ADK: variants seen among roughly 807,000 people sequenced by gnomAD.
The protein encoded by ADK is N6,N6-dimethyladenosine kinase.
In ADK, 24 loss-of-function variants were observed where a neutral mutation model predicts 44.7. The ratio of observed to expected loss-of-function variants is 0.54; its 90% CI spans 0.39 to 0.76. The LOEUF is 0.76. Ranked by LOEUF, ADK falls within the 30% of genes least tolerant of loss-of-function variation. The pLI, the probability that ADK is intolerant of heterozygous loss-of-function variation, is 0.00. For missense variants in ADK, 321 were observed against 425.1 expected, an observed-to-expected ratio of 0.76 and a Z score of 2.15; for synonymous variants, 128 against 142.6, an observed-to-expected ratio of 0.90 and a Z score of 0.73.
chr10:74,394,400 G>A, intron 5 of ADK, 87 bp downstream of exon 5: 1 of 1,284,132 alleles, frequency 7.8e-7, no homozygotes, highest in Non-Finnish European at 1.1e-6. Flanking sequence ...TTGGAATTTT[G>A]ACTTTATAAT....
chr10:74,171,964 G>A (rs755851120), intron 1 of ADK, among the ~76,000 whole-genome samples: 23 of 152,026 alleles, frequency 1.5e-4, no homozygotes, highest in Non-Finnish European at 3.4e-4. Flanking sequence ...TACTTTTGTC[G>A]CTACATTATT....
At chr10:74,652,441 G>C (rs1854308436) in intron 9 of ADK, among the ~76,000 whole-genome samples, 1 of 151,904 alleles carries the variant, frequency 6.6e-6, no homozygotes, top group African/African-American at 2.4e-5. Context: ...TCTCTGCTTA[G>C]GAAAAATAAC....
At chr10:74,672,262 A>G (rs1855216511) in intron 10 of ADK, among the ~76,000 whole-genome samples, 1 of 152,166 alleles carries the variant, frequency 6.6e-6, no homozygotes, top group South Asian at 2.1e-4. Flanking sequence ...GCTGTATTGC[A>G]TATCTTCTTG....
At chr10:74,363,582 G>C (rs1842408534) in intron 4 of ADK, among the ~76,000 whole-genome samples, 1 of 152,058 alleles carries the variant, frequency 6.6e-6, no homozygotes, top group Non-Finnish European at 1.5e-5. Context: ...GTGGGATGGT[G>C]GCTGGAGAAC....
intron 1 of ADK, among the ~76,000 whole-genome samples, chr10:74,195,585 G>A (rs1391268871): frequency 6.6e-6 from 1 of 152,050 alleles, no homozygotes; most frequent in Non-Finnish European, 1.5e-5. Flanking sequence ...CCAGGCTTAA[G>A]CGATCCTCCC....
At chr10:74,250,610 A>C (rs1026955796) in intron 3 of ADK, among the ~76,000 whole-genome samples, 2 of 152,214 alleles carry the variant, frequency 1.3e-5, no homozygotes, top group African/African-American at 4.8e-5. Context: ...AAGATAGTTG[A>C]TAGAATACAG....
At chr10:74,162,169 C>T (rs867310066) in intron 1 of ADK, among the ~76,000 whole-genome samples, 25 of 152,002 alleles carry the variant, frequency 1.6e-4, no homozygotes, top group Middle Eastern at 6.8e-3. Context: ...TACAGGTGCC[C>T]GCCACCACAC....
intron 6 of ADK, among the ~76,000 whole-genome samples, chr10:74,515,097 A>T (rs761216434): frequency 8.5e-5 from 13 of 152,210 alleles, no homozygotes; most frequent in Non-Finnish European, 1.2e-4. Context: ...CATCTGGTGG[A>T]AAAGTCACCT....
At chr10:74,200,682 A>T in intron 1 of ADK, 82 bp from the exon 2 acceptor site, 1 of 898,218 alleles carries the variant, frequency 1.1e-6, no homozygotes, top group Non-Finnish European at 1.8e-6. Context: ...TGAAATGAAG[A>T]TAGTTATTTT....
chr10:74,316,634 A>T (rs937250185), intron 4 of ADK, among the ~76,000 whole-genome samples: 5 of 152,214 alleles, frequency 3.3e-5, no homozygotes, highest in Non-Finnish European at 5.9e-5. Context: ...CTTTCCAGAC[A>T]TGCTGAACTG....
At chr10:74,695,618 GGGTGTGT>G (rs1370962378) in intron 10 of ADK, among the ~76,000 whole-genome samples, 55 of 106,836 alleles carry the variant, frequency 5.1e-4, no homozygotes, top group African/African-American at 1.6e-3. Context: ...TGTATGTGTG[GGGTGTGT>G]GTGTGTGTGT....
rs544043687 is a variant in ADK, at chr10:74,304,469, T to C, written c.195-10198T>C. On this transcript the variant is annotated intron_variant, in intron 3 of 10. Transcript: ENST00000539909. ...ACTTGTTTAGAAATTTGATTTTGTT[T>C]TTTCTTGCTGGGTAACATATCTGTG... Among the ~76,000 whole-genome samples, 82 of 152,318 alleles carry C rather than the reference T, an allele frequency of 5.4e-4. No individual in the cohort carries two copies. In the South Asian group the frequency reaches 6.4e-3, roughly 12 times the overall value.
At chr10:74,444,270 C>G (rs537025309) in intron 6 of ADK, among the ~76,000 whole-genome samples, 2 of 152,188 alleles carry the variant, frequency 1.3e-5, no homozygotes, top group African/African-American at 2.4e-5. Flanking sequence ...GTAGGAAACC[C>G]AGTACCTGCA....
chr10:74,497,058 C>A (rs1240365196), intron 6 of ADK, among the ~76,000 whole-genome samples: 1 of 152,098 alleles, frequency 6.6e-6, no homozygotes, highest in African/African-American at 2.4e-5. Context: ...AGTGATCCTC[C>A]CTGCTCAGCC....
At chr10:74,223,119 AT>A (rs1378630552) in intron 2 of ADK, among the ~76,000 whole-genome samples, 2 of 152,310 alleles carry the variant, frequency 1.3e-5, no homozygotes, top group East Asian at 3.9e-4. Context: ...TCTTACAGTT[AT>A]GGAGGTTGAG....
At chr10:74,578,700 G>A (rs1386936134) in intron 7 of ADK, among the ~76,000 whole-genome samples, 2 of 152,086 alleles carry the variant, frequency 1.3e-5, no homozygotes, top group Admixed American at 1.3e-4. Context: ...GGAAAAAAAA[G>A]TGAAGATGTA....
chr10:74,317,644 A>G (rs1163528785), intron 4 of ADK, among the ~76,000 whole-genome samples: 1 of 152,130 alleles, frequency 6.6e-6, no homozygotes, highest in African/African-American at 2.4e-5. Context: ...GTTGCTGGAC[A>G]TAGATGCCCT....
At chr10:74,702,661 T>C (rs1856477143) in intron 10 of ADK, among the ~76,000 whole-genome samples, 1 of 151,490 alleles carries the variant, frequency 6.6e-6, no homozygotes. Context: ...TGCAGTGACA[T>C]GATCTCGGCT....
chr10:74,431,905 T>C (rs769924237), intron 6 of ADK, among the ~76,000 whole-genome samples: 22 of 152,098 alleles, frequency 1.4e-4, no homozygotes, highest in Non-Finnish European at 2.9e-4. Flanking sequence ...CTTTAATAAG[T>C]AGTGTTGGCA....
Sources: allele counts gnomAD v4.1 joint callset (sites outside exome capture counted in the v4.1 genomes callset), GRCh38; gene constraint gnomAD v4.1.1; transcripts MANE v1.5; gene names NCBI Gene and HGNC (gene_info 2026-07-23, HGNC 2026-07-21).